The following HERC2 variants were observed in gnomAD, a reference collection of about 807,000 sequenced individuals.
HERC2 encodes HECT and RLD domain containing E3 ubiquitin protein ligase 2.
A neutral mutation model predicts 537.7 loss-of-function variants in HERC2; 102 were observed. The observed-to-expected ratio is 0.19, with a 90% CI of 0.16 to 0.22. The LOEUF (loss-of-function observed/expected upper bound fraction) is 0.22. HERC2 is among the 10% of genes least tolerant of loss of function. HERC2 has a pLI of 1.00. For missense variants in HERC2, 4,236 were observed against 6,198.2 expected (o/e 0.68, Z 10.63); for synonymous variants, 2,224 against 2,466.2 (o/e 0.90, Z 2.91).
At chr15:28,255,612 T>C (rs2075234467) in intron 19 of HERC2, among the ~76,000 whole-genome samples, 1 of 152,218 alleles carries the variant, frequency 6.6e-6, no homozygotes, top group East Asian at 1.9e-4. Context: ...CAGGGATCTT[T>C]CCGGGTAACG....
chr15:28,253,009 C>A (rs2075133272), intron 20 of HERC2, among the ~76,000 whole-genome samples: 2 of 152,232 alleles, frequency 1.3e-5, no homozygotes, highest in Non-Finnish European at 2.9e-5. Flanking sequence ...GCTGCCTGAC[C>A]CAACCTGCCA....
At chr15:28,261,219 G>GT (rs554947703) in intron 15 of HERC2, among the ~76,000 whole-genome samples, 23 of 150,764 alleles carry the variant, frequency 1.5e-4, no homozygotes, top group East Asian at 3.9e-4. Context: ...AAAAGGATCT[G>GT]TTTTTTTTTC....
intron 83 of HERC2, among the ~76,000 whole-genome samples, 181 bp downstream of exon 83, chr15:28,129,982 C>G (rs1238918235): frequency 6.6e-6 from 1 of 151,900 alleles, no homozygotes; most frequent in East Asian, 1.9e-4. Context: ...ACCGTGTAGG[C>G]CAGGCTGGTC....
At position 28,228,258 on chromosome 15, in the gene HERC2, G is replaced by A. The variant is rs781217480; in HGVS notation, c.5424C>T (p.Ser1808=). The A allele has an allele frequency of 2.0e-5, 32 of 1,613,708 alleles. No homozygotes were observed. The highest frequency in any genetic ancestry group is 2.7e-5 in the African/African-American group (2 of 75,054). Reference sequence around the variant, plus strand: ...CCGTCTGCGTGAGGGCCAGCATGCCGGAATTGAGCAGAAGGTCGAGGTTGT... The same window carrying A: ...CCGTCTGCGTGAGGGCCAGCATGCCAGAATTGAGCAGAAGGTCGAGGTTGT... ...GANNLDLLLN[S]GMLALTQTAL... is the part of the protein sequence containing the mutation. Residue 1808 remains serine, a synonymous_variant, in exon 35 of 93, where the codon TCC becomes TCT. Coordinates refer to ENST00000261609, the MANE Select transcript of HERC2 (RefSeq NM_004667.6).
In HERC2 at chr15:28,248,720, T is replaced by C. The variant is rs753495027; in HGVS notation, c.3067A>G (p.Thr1023Ala). Residue 1023 changes from threonine (T) to alanine (A), a missense_variant, in exon 21 of 93, where the codon ACT becomes GCT. Thr to Ala is a moderately conservative substitution (Grantham distance 58). Around this residue, in one of 27 missense-constraint regions of HERC2, gnomAD observed 754 missense variants for 1,085.0 expected, o/e 0.69. Transcript: ENST00000261609. ...GCAACATCTTTCAATCTGGCTACAG[T>C]CTGAGAAGCAATGTTTCTATACAGG... ...QQLLRNIASQ[T>A]VARLKDVARR... The C allele has an allele frequency of 8.7e-6, 14 of 1,613,514 alleles. No individual in the cohort carries two copies. The South Asian group carries it at 1.2e-4, about 14-fold the overall frequency.
intron 44 of HERC2, among the ~76,000 whole-genome samples, chr15:28,209,611 G>C (rs1416272001): frequency 1.3e-5 from 2 of 152,150 alleles, no homozygotes; most frequent in African/African-American, 4.8e-5. Context: ...CCAAAGTGCT[G>C]GGATTACAGG....
chr15:28,125,773 C>G (rs1310212544), intron 83 of HERC2, among the ~76,000 whole-genome samples: 2 of 152,148 alleles, frequency 1.3e-5, no homozygotes, highest in East Asian at 3.9e-4. Context: ...CTCCCCAGCT[C>G]AAGTGATCCT....
At position 28,177,414 on chromosome 15, in the gene HERC2, C is replaced by T; in HGVS notation, c.9254+5G>A. ...AGCAAATGAGACTAAAAAAAGTACC[C>T]TTACATTCTGCTGAAGTGTCCAAGT... is the stretch of plus-strand genomic sequence containing the variant. On this transcript the variant is annotated splice_donor_5th_base_variant and intron_variant, in intron 60 of 92. Coordinates refer to ENST00000261609, the MANE Select transcript of HERC2 (RefSeq NM_004667.6). The surrounding 1 kb of genome is among the most constrained non-coding windows in gnomAD (Gnocchi z 5.0). 6.2e-7 allele frequency: 1 copy of T among 1,613,196 alleles called. No individual in the cohort carries two copies. Among genetic ancestry groups the T allele is most frequent in the Non-Finnish European group, 8.5e-7 (1 of 1,179,122 alleles).
Position 28,116,767 on chromosome 15 carries a change from C to G in HERC2, c.13507G>C (p.Val4503Leu). The stretch of plus-strand genomic sequence containing the variant: ...GACTCATCCCTCCCGTTGGGTGTCA[C>G]GATCAGCAGGGGCGTGAGTCCGTTC... ...LQNGLTPLLIVTPNGRDESGA... is the reference protein window; with the variant it reads ...LQNGLTPLLILTPNGRDESGA... Residue 4503 changes from valine to leucine, a missense_variant, in exon 88 of 93, where the codon GTG (valine) becomes CTG (leucine). This residue lies in a region of HERC2 where 313 missense variants were observed against 462.6 expected (regional missense o/e 0.68). Transcript: ENST00000261609. 3 of 1,613,960 alleles carry G rather than the reference C, an allele frequency of 1.9e-6. No individual in the cohort carries two copies. The highest frequency in any genetic ancestry group is 2.5e-6 in the Non-Finnish European group (3 of 1,179,994).
chr15:28,225,587 A>T (rs1167151798), intron 35 of HERC2, among the ~76,000 whole-genome samples: 2 of 150,070 alleles, frequency 1.3e-5, no homozygotes, highest in Non-Finnish European at 3.0e-5. Context: ...AGTCCCAGCT[A>T]CTCGGGAGGC....
Position 28,255,856 on chromosome 15 carries a change from G to T in HERC2, c.2871+16C>A, listed in dbSNP as rs756128964. ...CTCAGTGCACCACCAGGTCACGTGT[G>T]CCTCCAAAGCCATACCTGGATCTCT... On this transcript the variant is annotated intron_variant, in intron 19 of 92. Coordinates refer to ENST00000261609, the MANE Select transcript of HERC2 (RefSeq NM_004667.6). 1.3e-6 allele frequency: 2 copies of T among 1,596,700 alleles called. No individual in the cohort carries two copies. The highest frequency in any genetic ancestry group is 1.7e-6 in the Non-Finnish European group (2 of 1,178,558).
intron 12 of HERC2, among the ~76,000 whole-genome samples, chr15:28,266,753 G>C (rs567750626): frequency 1.1e-3 from 166 of 152,252 alleles, no homozygotes; most frequent in African/African-American, 3.6e-3. Flanking sequence ...GAGGTTGTCA[G>C]GAACTGGAGG....
Position 28,305,369 on chromosome 15 carries a change from C to T in HERC2, c.73-5853G>A, listed in dbSNP as rs9708243. Among the ~76,000 whole-genome samples, 95 of 151,498 alleles carry T rather than the reference C, an allele frequency of 6.3e-4. No homozygotes were observed. The East Asian group carries it at 7.6e-3, about 12-fold the overall frequency. On this transcript the variant is annotated intron_variant, in intron 2 of 92. Transcript: ENST00000261609. Reference sequence around the variant, plus strand: ...AACAGAACAGAGCCCTCAGAAATAACGCCGCATACCTACAACTATCTGATC... The same window carrying T: ...AACAGAACAGAGCCCTCAGAAATAATGCCGCATACCTACAACTATCTGATC...
At position 28,265,789 on chromosome 15, in the gene HERC2, T is replaced by G; in HGVS notation, c.1756+28A>C. The G allele has an allele frequency of 6.2e-7, 1 of 1,614,150 alleles. No homozygotes were observed. Among genetic ancestry groups the G allele is most frequent in the Non-Finnish European group, 8.5e-7 (1 of 1,179,998 alleles). ...CTGTAAGAGGCCACCTCCTGCTGCA[T>G]GCTCCCACTCATGCAGAGCAGACGT... On this transcript the variant is annotated intron_variant, in intron 13 of 92. Transcript: ENST00000261609. The surrounding 1 kb of genome is among the most constrained non-coding windows in gnomAD (Gnocchi z 4.0).
intron 23 of HERC2, among the ~76,000 whole-genome samples, chr15:28,240,306 T>C (rs1902960032): frequency 6.6e-6 from 1 of 152,142 alleles, no homozygotes; most frequent in Non-Finnish European, 1.5e-5. Context: ...TAGTCCCAGC[T>C]ACTCGGGAGG....
chr15:28,252,253 G>C (rs1426851455), intron 20 of HERC2, among the ~76,000 whole-genome samples: 1 of 152,058 alleles, frequency 6.6e-6, no homozygotes, highest in African/African-American at 2.4e-5. Flanking sequence ...AGCTCAAACA[G>C]CATAGTTGCA....
chr15:28,207,383 G>A (rs1249548832), intron 44 of HERC2, among the ~76,000 whole-genome samples: 6 of 152,106 alleles, frequency 3.9e-5, no homozygotes, highest in Non-Finnish European at 7.4e-5. Flanking sequence ...TGATCCACCC[G>A]CCTCGGCATC....
In HERC2 at chr15:28,280,274, C is replaced by A; in HGVS notation, c.336G>T (p.Leu112=). Residue 112 remains leucine, a synonymous_variant, in exon 5 of 93, where the codon CTG becomes CTT. Transcript: ENST00000261609. The stretch of plus-strand genomic sequence containing the variant: ...TAACCAGCACAGAAAGACACTCCTT[C>A]AGTTCATTCACATCTAGAAAATAAG... ...VWGKQPDVNE[L]KECLSVLVKE... 6.2e-7 allele frequency: 1 copy of A among 1,609,858 alleles called. No homozygotes were observed. The highest frequency in any genetic ancestry group is 8.5e-7 in the Non-Finnish European group (1 of 1,178,648).
rs766192909 is a variant in HERC2 at position 28,152,661 on chromosome 15, G to T, written c.10900+16C>A. 1 of 1,528,230 alleles carries T rather than the reference G, an allele frequency of 6.5e-7. No individual in the cohort carries two copies. Among genetic ancestry groups the T allele is most frequent in the Non-Finnish European group, 8.8e-7 (1 of 1,131,618 alleles). The allele number at this position is 1,528,230 out of a possible 1,614,324, so 94.7% of individuals were successfully genotyped here. A position where few individuals can be genotyped will look rare whatever the true frequency, so the allele number is the denominator to read the frequency against. On this transcript the variant is annotated intron_variant, in intron 70 of 92. Transcript: ENST00000261609. ...TGGGAAAGGCTGCAGCTCCCCGCTG[G>T]GGCCAGCCCCTGTACCTGGTATCTT...
Sources: allele counts gnomAD v4.1 joint callset (sites outside exome capture counted in the v4.1 genomes callset), GRCh38; gene constraint gnomAD v4.1.1; regional missense constraint gnomAD v4.1.1; non-coding constraint Gnocchi (gnomAD v3.1); transcripts MANE v1.5; gene names NCBI Gene and HGNC (gene_info 2026-07-23, HGNC 2026-07-21).